CRYBG1: variants seen among roughly 807,000 people sequenced by gnomAD.
The protein encoded by CRYBG1 is beta/gamma crystallin domain-containing protein 1.
A neutral mutation model predicts 189.2 loss-of-function variants in CRYBG1; 139 were observed. The observed-to-expected ratio is 0.73, with a 90% CI of 0.64 to 0.85. CRYBG1 has a LOEUF of 0.85. CRYBG1 is among the 40% of genes least tolerant of loss of function. The pLI, the probability that CRYBG1 is intolerant of heterozygous loss-of-function variation, is 0.00. For missense variants in CRYBG1, 2,611 were observed against 2,675.8 expected (o/e 0.98, Z 0.53); for synonymous variants, 1,023 against 1,017.1 (o/e 1.01, Z -0.11).
intron 2 of CRYBG1, among the ~76,000 whole-genome samples, chr6:106,503,604 G>A (rs752321768): frequency 1.3e-5 from 2 of 152,204 alleles, no homozygotes. Context: ...TTAAGGTGCG[G>A]AGAAAATTCT....
At chr6:106,568,395 G>C in intron 21 of CRYBG1, 77 bp from the exon 22 acceptor site, 1 of 1,130,702 alleles carries the variant, frequency 8.8e-7, no homozygotes, top group South Asian at 1.3e-5. Context: ...TTGCTGTACT[G>C]GTGTTAGGGG....
intron 15 of CRYBG1, among the ~76,000 whole-genome samples, chr6:106,552,545 C>T (rs1774429698): frequency 7.6e-6 from 1 of 132,054 alleles, no homozygotes; most frequent in Non-Finnish European, 1.5e-5. Context: ...CGAGATCGCA[C>T]CACTGCACTC....
rs1438953887 is a variant in CRYBG1, at chr6:106,361,085, A to T, written c.173+4A>T. 6.5e-7 allele frequency: 1 copy of T among 1,534,148 alleles called. No homozygotes were observed. The highest frequency in any genetic ancestry group is 2.4e-5 in the East Asian group (1 of 40,870). ...CGGCGCCTGCCGGAGAGGCCAGGTG[A>T]GCTCCTCGCCCGAGCCCTCCAGTCC... On this transcript the variant is annotated splice_donor_region_variant and intron_variant, in intron 1 of 21. Coordinates refer to ENST00000633556, the MANE Select transcript of CRYBG1 (RefSeq NM_001371242.2).
chr6:106,436,435 A>G (rs1161896293), intron 1 of CRYBG1, among the ~76,000 whole-genome samples: 2 of 151,976 alleles, frequency 1.3e-5, no homozygotes, highest in Non-Finnish European at 2.9e-5. Flanking sequence ...AGTTGCTGGG[A>G]CTACAGGCGC....
At chr6:106,382,757 G>A (rs978800198) in intron 1 of CRYBG1, among the ~76,000 whole-genome samples, 1 of 152,092 alleles carries the variant, frequency 6.6e-6, no homozygotes, top group African/African-American at 2.4e-5. Flanking sequence ...AAAGCCAAGT[G>A]TTTGGAAATA....
intron 20 of CRYBG1, among the ~76,000 whole-genome samples, chr6:106,562,446 G>A (rs549114302): frequency 7.6e-4 from 115 of 152,190 alleles, no homozygotes; most frequent in African/African-American, 2.7e-3. Flanking sequence ...ATGAGAAAAA[G>A]TCTCCTAGAT....
At chr6:106,391,968 T>TGTGCGC (rs1554231574) in intron 1 of CRYBG1, among the ~76,000 whole-genome samples, 3 of 59,440 alleles carry the variant, frequency 5.0e-5, no homozygotes, top group African/African-American at 3.3e-4. Flanking sequence ...TGTGTGTGTG[T>TGTGCGC]GTGCGTGCGC....
intron 1 of CRYBG1, among the ~76,000 whole-genome samples, chr6:106,422,802 T>C (rs184943389): frequency 6.6e-6 from 1 of 152,320 alleles, no homozygotes; most frequent in Non-Finnish European, 1.5e-5. Flanking sequence ...TAATGGGGAC[T>C]GAGTCAACAG....
At chr6:106,387,653 G>A (rs1194499181) in intron 1 of CRYBG1, among the ~76,000 whole-genome samples, 1 of 152,152 alleles carries the variant, frequency 6.6e-6, no homozygotes, top group Non-Finnish European at 1.5e-5. Context: ...CAGATGGATA[G>A]GTTTAACAAC....
intron 1 of CRYBG1, among the ~76,000 whole-genome samples, chr6:106,440,366 G>C (rs751359185): frequency 9.9e-5 from 15 of 151,874 alleles, no homozygotes; most frequent in Non-Finnish European, 2.1e-4. Flanking sequence ...CTGGGTTCAA[G>C]CAAGTCTTCT....
At chr6:106,446,466 G>T (rs982129625) in intron 1 of CRYBG1, among the ~76,000 whole-genome samples, 1 of 152,170 alleles carries the variant, frequency 6.6e-6, no homozygotes, top group African/African-American at 2.4e-5. Context: ...TCTTTGGATA[G>T]ACAATAGATG....
In CRYBG1 at chr6:106,360,833, A is replaced by AG. The variant is rs1562285108; in HGVS notation, c.-74dup. ...GAGAAAGGCGGGCGAGCTGGCGCTC[A>AG]GGTGTGTTCTTCCATAGGGCCCGGG... On this transcript the variant is annotated 5_prime_UTR_variant, in exon 1 of 22. Coordinates refer to ENST00000633556, the MANE Select transcript of CRYBG1 (RefSeq NM_001371242.2). 7.1e-7 allele frequency: 1 copy of AG among 1,415,888 alleles called. No individual in the cohort carries two copies. The highest frequency in any genetic ancestry group is 1.5e-5 in the African/African-American group (1 of 67,262). 87.7% of individuals were successfully genotyped at this position (1,415,888 alleles called of 1,614,324 possible).
chr6:106,509,688 G>A (rs1773205311), intron 2 of CRYBG1, among the ~76,000 whole-genome samples: 1 of 152,106 alleles, frequency 6.6e-6, no homozygotes, highest in Non-Finnish European at 1.5e-5. Flanking sequence ...GGCCGACTGT[G>A]GTTCTCGGGT....
chr6:106,390,595 C>T (rs540379888), intron 1 of CRYBG1, among the ~76,000 whole-genome samples: 40 of 117,960 alleles, frequency 3.4e-4, no homozygotes, highest in South Asian at 2.0e-3. Flanking sequence ...ACTCCCCCTA[C>T]GCCCCGTCAT....
chr6:106,468,506 A>G (rs895783940), intron 2 of CRYBG1, among the ~76,000 whole-genome samples: 10 of 152,330 alleles, frequency 6.6e-5, no homozygotes, highest in Admixed American at 5.9e-4. Flanking sequence ...CTTATTTAAC[A>G]CAATCTAAAA....
chr6:106,399,722 A>G (rs1027963519), intron 1 of CRYBG1, among the ~76,000 whole-genome samples: 7 of 150,860 alleles, frequency 4.6e-5, no homozygotes, highest in Admixed American at 2.6e-4. Flanking sequence ...AGTGGTGTGA[A>G]CACAGCTTAC....
chr6:106,508,313 C>CT (rs1748671865), intron 2 of CRYBG1, among the ~76,000 whole-genome samples: 1 of 151,782 alleles, frequency 6.6e-6, no homozygotes, highest in Non-Finnish European at 1.5e-5. Context: ...GGGGAAAACT[C>CT]TGTTTTAAAG....
chr6:106,557,838 C>T (rs1028856032), intron 17 of CRYBG1, among the ~76,000 whole-genome samples: 1 of 152,192 alleles, frequency 6.6e-6, no homozygotes, highest in Admixed American at 6.5e-5. Flanking sequence ...GCATAAGCTG[C>T]CAACTTTTCA....
At position 106,367,941 on chromosome 6, in the gene CRYBG1, C is replaced by T. The variant is rs571849636; in HGVS notation, c.173+6860C>T. ...CTCTAGCCTGGGTGACAGAGTGAGA[C>T]CTTGTCTCTAAAATAATCGTAATAA... On this transcript the variant is annotated intron_variant, in intron 1 of 21. Transcript: ENST00000633556. Among the ~76,000 whole-genome samples the T allele has an allele frequency of 2.6e-5, 4 of 152,098 alleles. No homozygotes were observed. In the East Asian group the frequency reaches 7.7e-4, roughly 29 times the overall value.
Sources: allele counts gnomAD v4.1 joint callset (sites outside exome capture counted in the v4.1 genomes callset), GRCh38; gene constraint gnomAD v4.1.1; transcripts MANE v1.5; gene names NCBI Gene and HGNC (gene_info 2026-07-23, HGNC 2026-07-21).